The following DPP10 variants were observed in gnomAD, a reference collection of about 807,000 sequenced individuals.
DPP10 encodes dipeptidyl peptidase like 10.
A neutral mutation model predicts 120.9 loss-of-function variants in DPP10; 33 were observed. That is an observed-to-expected ratio of 0.27 (90% confidence interval 0.21 to 0.37). The LOEUF (loss-of-function observed/expected upper bound fraction) is 0.37. Ranked by LOEUF, DPP10 falls within the 10% of genes least tolerant of loss-of-function variation. DPP10 has a pLI of 1.00. For synonymous variants in DPP10, 337 were observed against 326.1 expected, an observed-to-expected ratio of 1.03 and a Z score of -0.36; for missense variants, 816 against 942.8, an observed-to-expected ratio of 0.87 and a Z score of 1.76.
intron 1 of DPP10, among the ~76,000 whole-genome samples, chr2:114,508,597 T>A (rs1202278846): frequency 6.6e-6 from 1 of 152,176 alleles, no homozygotes; most frequent in Non-Finnish European, 1.5e-5. Context: ...CAGGGCTTAG[T>A]GTGCCCAGAA....
intron 1 of DPP10, among the ~76,000 whole-genome samples, chr2:114,591,155 C>G (rs752075293): frequency 6.6e-6 from 1 of 152,208 alleles, no homozygotes; most frequent in Non-Finnish European, 1.5e-5. Context: ...CTTCCCTCAT[C>G]TCTTAGCATT....
At chr2:114,854,694 G>T (rs1689235805) in intron 1 of DPP10, among the ~76,000 whole-genome samples, 1 of 152,190 alleles carries the variant, frequency 6.6e-6, no homozygotes, top group Non-Finnish European at 1.5e-5. Flanking sequence ...GAAGGATAGA[G>T]CTCCAGAATA....
chr2:115,288,052 A>G (rs2060476133), intron 1 of DPP10, among the ~76,000 whole-genome samples: 2 of 152,068 alleles, frequency 1.3e-5, no homozygotes, highest in Non-Finnish European at 2.9e-5. Context: ...AGATTGCTGG[A>G]TCAAATGGTA....
intron 5 of DPP10, among the ~76,000 whole-genome samples, chr2:115,576,042 A>G (rs1160361199): frequency 6.6e-6 from 1 of 152,158 alleles, no homozygotes; most frequent in Non-Finnish European, 1.5e-5. Flanking sequence ...CCTCACTGTC[A>G]TCTTTATTTT....
chr2:114,875,065 T>C (rs1691041088), intron 1 of DPP10, among the ~76,000 whole-genome samples: 1 of 152,172 alleles, frequency 6.6e-6, no homozygotes, highest in African/African-American at 2.4e-5. Context: ...GTTGTATTCT[T>C]CCATGCTAAA....
At chr2:114,921,070 CAAAT>C (rs1351014263) in intron 1 of DPP10, among the ~76,000 whole-genome samples, 2 of 152,108 alleles carry the variant, frequency 1.3e-5, no homozygotes, top group Admixed American at 6.5e-5. Context: ...GATAAACTAA[CAAAT>C]AAATAAAGTT....
intron 1 of DPP10, among the ~76,000 whole-genome samples, chr2:115,283,532 G>A (rs1184148576): frequency 6.6e-6 from 1 of 152,028 alleles, no homozygotes; most frequent in Admixed American, 6.6e-5. Context: ...TCTCAGATGT[G>A]AAGTATATAA....
intron 2 of DPP10, among the ~76,000 whole-genome samples, chr2:115,313,966 A>G (rs2061683724): frequency 6.6e-6 from 1 of 152,180 alleles, no homozygotes; most frequent in African/African-American, 2.4e-5. Context: ...TAAGATCAAT[A>G]ATTATACTCT....
intron 1 of DPP10, among the ~76,000 whole-genome samples, chr2:114,466,356 A>G (rs1028858392): frequency 1.3e-5 from 2 of 152,228 alleles, no homozygotes; most frequent in East Asian, 1.9e-4. Flanking sequence ...GTGTATATAT[A>G]GTATTTATAT....
chr2:115,161,906 C>T, intron 1 of DPP10: 1 of 1,434,480 alleles, frequency 7.0e-7, no homozygotes, highest in Non-Finnish European at 9.1e-7. Flanking sequence ...GTGACGGTCC[C>T]CGAGTCTGAA....
chr2:115,420,675 A>C (rs1214993308), intron 3 of DPP10, among the ~76,000 whole-genome samples: 1 of 152,142 alleles, frequency 6.6e-6, no homozygotes, highest in Admixed American at 6.6e-5. Context: ...CTCCCTTGAG[A>C]CATAAATCTC....
At chr2:115,380,130 C>G (rs1574631289) in intron 3 of DPP10, among the ~76,000 whole-genome samples, 1 of 152,130 alleles carries the variant, frequency 6.6e-6, no homozygotes, top group Non-Finnish European at 1.5e-5. Context: ...TCTCGTTGAT[C>G]TGTCTAATGT....
chr2:114,893,687 C>T (rs993110601), intron 1 of DPP10, among the ~76,000 whole-genome samples: 5 of 152,228 alleles, frequency 3.3e-5, no homozygotes, highest in Admixed American at 3.3e-4. Flanking sequence ...TAGAAATAAC[C>T]ATGACCTGCT....
At chr2:115,590,950 G>C (rs1349391866) in intron 5 of DPP10, among the ~76,000 whole-genome samples, 2 of 152,174 alleles carry the variant, frequency 1.3e-5, no homozygotes, top group East Asian at 3.8e-4. Context: ...GTGTCTGTTG[G>C]CTGCATAAAT....
chr2:115,788,018 CAAAA>C (rs1217428083), intron 17 of DPP10, among the ~76,000 whole-genome samples: 1 of 151,902 alleles, frequency 6.6e-6, no homozygotes, highest in Non-Finnish European at 1.5e-5. Flanking sequence ...AAAATGAAGA[CAAAA>C]AGAAAGTTTC....
intron 2 of DPP10, among the ~76,000 whole-genome samples, chr2:115,314,756 T>G (rs1237133657): frequency 6.6e-6 from 1 of 152,182 alleles, no homozygotes; most frequent in Non-Finnish European, 1.5e-5. Flanking sequence ...ATATCAGATA[T>G]GTGTTACATC....
chr2:115,120,157 T>C (rs1466977539), intron 1 of DPP10, among the ~76,000 whole-genome samples: 1 of 152,226 alleles, frequency 6.6e-6, no homozygotes, highest in African/African-American at 2.4e-5. Flanking sequence ...ATGTCATCAG[T>C]GTTGCTGGGT....
Position 115,606,257 on chromosome 2 carries a change from C to G in DPP10, c.441+80285C>G, listed in dbSNP as rs533844474. Reference sequence around the variant, plus strand: ...AGAAAAACCTGTTCTTAAAATCCTGCAGGGCAAACTCAAGCATTAGACCTT... The same window carrying G: ...AGAAAAACCTGTTCTTAAAATCCTGGAGGGCAAACTCAAGCATTAGACCTT... On this transcript the variant is annotated intron_variant, in intron 5 of 25. Coordinates refer to ENST00000410059, the MANE Select transcript of DPP10 (RefSeq NM_020868.6). 2.6e-5 allele frequency among the ~76,000 whole-genome samples: 4 copies of G among 152,178 alleles called. No homozygotes were observed. The South Asian group carries it at 8.3e-4, about 32-fold the overall frequency.
intron 1 of DPP10, among the ~76,000 whole-genome samples, chr2:115,223,762 T>C (rs1188931085): frequency 6.6e-6 from 1 of 152,078 alleles, no homozygotes; most frequent in Non-Finnish European, 1.5e-5. Context: ...AGGGGAAAGT[T>C]GGAATCTTTT....
Sources: gnomAD v4.1 joint callset for allele counts (sites outside exome capture counted in the v4.1 genomes callset) on GRCh38, gnomAD v4.1.1 for gene constraint, MANE v1.5 for transcripts, NCBI Gene and HGNC (gene_info 2026-07-23, HGNC 2026-07-21) for gene names.